The following ARHGAP31 variants were observed in gnomAD, a reference collection of about 807,000 sequenced individuals.
ARHGAP31 encodes the protein rho GTPase-activating protein 31.
In ARHGAP31, 34 loss-of-function variants were observed where a neutral mutation model predicts 113.9. That is an observed-to-expected ratio of 0.30 (90% CI 0.23 to 0.40). ARHGAP31 has a LOEUF of 0.40. Among genes scored for constraint, ARHGAP31 ranks in the 10% least tolerant of loss-of-function variants. ARHGAP31 has a pLI of 1.00. For synonymous variants in ARHGAP31, 650 were observed against 684.8 expected (o/e 0.95, Z 0.79); for missense variants, 1,548 against 1,767.1 (o/e 0.88, Z 2.22).
At chr3:119,318,147 G>A (rs920034400) in intron 1 of ARHGAP31, among the ~76,000 whole-genome samples, 1 of 151,996 alleles carries the variant, frequency 6.6e-6, no homozygotes, top group Non-Finnish European at 1.5e-5. Context: ...GCTCATGCCT[G>A]TGTCCCCAGC....
intron 6 of ARHGAP31, among the ~76,000 whole-genome samples, chr3:119,388,205 T>C (rs1319818219): frequency 6.6e-6 from 1 of 151,644 alleles, no homozygotes; most frequent in African/African-American, 2.4e-5. Flanking sequence ...TTCCATTTAT[T>C]TTTGTCTTAT....
At position 119,294,699 on chromosome 3, in the gene ARHGAP31, G is replaced by T; in HGVS notation, c.-206G>T. The T allele has an allele frequency of 1.7e-6, 1 of 596,346 alleles. No homozygotes were observed. Among genetic ancestry groups the T allele is most frequent in the Admixed American group, 3.1e-5 (1 of 32,250 alleles). 36.9% of individuals were successfully genotyped at this position (596,346 alleles called of 1,614,324 possible). ...TGCACGGCCTCGGCACGGCGGCCCCGGAGCGGCGCGGGGTGGATCTCAGGC... is the reference window on the plus strand; with the variant it reads ...TGCACGGCCTCGGCACGGCGGCCCCTGAGCGGCGCGGGGTGGATCTCAGGC... On this transcript the variant is annotated 5_prime_UTR_variant, in exon 1 of 12. Transcript: ENST00000264245.
chr3:119,405,199 T>C (rs2080649050), intron 10 of ARHGAP31, among the ~76,000 whole-genome samples: 1 of 152,192 alleles, frequency 6.6e-6, no homozygotes, highest in Non-Finnish European at 1.5e-5. Context: ...TTTTTTTTAA[T>C]CAGGAGCAAG....
intron 3 of ARHGAP31, among the ~76,000 whole-genome samples, chr3:119,370,194 G>T (rs1411513670): frequency 6.6e-6 from 1 of 152,156 alleles, no homozygotes; most frequent in Non-Finnish European, 1.5e-5. Flanking sequence ...GAACCAAGAA[G>T]AAAGGTGTGA....
At chr3:119,338,855 A>G (rs943974842) in intron 1 of ARHGAP31, among the ~76,000 whole-genome samples, 2 of 152,234 alleles carry the variant, frequency 1.3e-5, no homozygotes, top group African/African-American at 4.8e-5. Context: ...TAGGCCTGCC[A>G]CTGTGTATGA....
intron 1 of ARHGAP31, among the ~76,000 whole-genome samples, chr3:119,350,180 G>A (rs1340633631): frequency 6.6e-6 from 1 of 152,136 alleles, no homozygotes; most frequent in African/African-American, 2.4e-5. Flanking sequence ...CAAACTGCAG[G>A]GAAGTGCCGT....
chr3:119,402,138 CA>C lies in ARHGAP31; in HGVS notation c.1389del (p.Lys463AsnfsTer22). 6.2e-7 allele frequency: 1 copy of C among 1,614,282 alleles called. No homozygotes were observed. ...TCTACACTTCGAACGACAGCCCTAG[CA>C]AATCCGTCTTCACCAGCAGCCTCTT... ...MFYTSNDSPS[K>X]SVFTSSLFQM... On this transcript the variant is annotated frameshift_variant, in exon 10 of 12. Coordinates refer to ENST00000264245, the MANE Select transcript of ARHGAP31 (RefSeq NM_020754.4). LOFTEE classifies it high-confidence loss of function.
At position 119,332,615 on chromosome 3, in the gene ARHGAP31, TCTCTCTCTCTCTCTCTCTCTCACACA is replaced by T. The variant is rs2079903026; in HGVS notation, c.101-32699_101-32674del. ...TTCTCTCTCTCTCTTTCTCTCTCTC[TCTCTCTCTCTCTCTCTCTCTCACACA>T]CACACACACACACACACACACACAC... On this transcript the variant is annotated intron_variant, in intron 1 of 11. Transcript: ENST00000264245. Among the ~76,000 whole-genome samples, 18 of 111,538 alleles carry T rather than the reference TCTCTCTCTCTCTCTCTCTCTCACACA, an allele frequency of 1.6e-4. No homozygotes were observed. The South Asian group carries it at 5.7e-3, about 35-fold the overall frequency. The allele number at this position is 111,538 out of a possible 152,430, so 73.2% of individuals were successfully genotyped here.
chr3:119,379,975 C>T (rs2080381202), intron 3 of ARHGAP31, among the ~76,000 whole-genome samples: 1 of 152,172 alleles, frequency 6.6e-6, no homozygotes, highest in South Asian at 2.1e-4. Context: ...AGGTCTGGGA[C>T]CAGGGGAATC....
chr3:119,412,089 G>A (rs541667943), intron 11 of ARHGAP31, among the ~76,000 whole-genome samples: 106 of 152,200 alleles, frequency 7.0e-4, no homozygotes, highest in Non-Finnish European at 1.4e-3. Flanking sequence ...TAGGCCTTGA[G>A]GCAAGAAATG....
rs1015249565 is a variant in ARHGAP31 at position 119,419,316 on chromosome 3, G to C, written c.*3052G>C. On this transcript the variant is annotated 3_prime_UTR_variant, in exon 12 of 12. Transcript: ENST00000264245. Reference sequence around the variant, plus strand: ...ACGTTTTCTTTCAGCATTAGTGGTTGCTTAAGAAAATAGTAACCTATATTT... The same window carrying C: ...ACGTTTTCTTTCAGCATTAGTGGTTCCTTAAGAAAATAGTAACCTATATTT... The C allele has an allele frequency of 1.3e-5, 2 of 152,174 alleles. No homozygotes were observed. The highest frequency in any genetic ancestry group is 2.1e-4 in the South Asian group (1 of 4,824). 9.4% of individuals were successfully genotyped at this position (152,174 alleles called of 1,614,324 possible). A position where few individuals can be genotyped will look rare whatever the true frequency, so the allele number is the denominator to read the frequency against.
chr3:119,392,349 G>A (rs904045053), intron 7 of ARHGAP31, among the ~76,000 whole-genome samples: 2 of 152,192 alleles, frequency 1.3e-5, no homozygotes, highest in East Asian at 1.9e-4. Context: ...TCGGGAGGCC[G>A]AGGCAGGAGG....
intron 1 of ARHGAP31, chr3:119,330,069 G>A (rs1446055589): frequency 2.7e-5 from 25 of 935,100 alleles, no homozygotes; most frequent in Middle Eastern, 5.5e-4. Context: ...CCATTCAATC[G>A]TCTGATTGTT....
At position 119,370,434 on chromosome 3, in the gene ARHGAP31, T is replaced by G. The variant is rs923092469; in HGVS notation, c.348+1918T>G. 7.2e-5 allele frequency among the ~76,000 whole-genome samples: 11 copies of G among 152,314 alleles called. No homozygotes were observed. In the East Asian group the frequency reaches 2.1e-3, roughly 29 times the overall value. On this transcript the variant is annotated intron_variant, in intron 3 of 11. Coordinates refer to ENST00000264245, the MANE Select transcript of ARHGAP31 (RefSeq NM_020754.4). Reference sequence around the variant, plus strand: ...TGTTTTCCAAAATCAAAATAAAATTTTATTGCAAAAATTAAAGTAATACAG... The same window carrying G: ...TGTTTTCCAAAATCAAAATAAAATTGTATTGCAAAAATTAAAGTAATACAG...
At chr3:119,302,009 C>T (rs2079588937) in intron 1 of ARHGAP31, among the ~76,000 whole-genome samples, 1 of 152,210 alleles carries the variant, frequency 6.6e-6, no homozygotes, top group African/African-American at 2.4e-5. Flanking sequence ...AGCTTTCTTC[C>T]CATTCAGTGC....
At chr3:119,391,052 C>G (rs2080499784) in intron 7 of ARHGAP31, 69 bp downstream of exon 7, 9 of 1,544,984 alleles carry the variant, frequency 5.8e-6, no homozygotes, top group Non-Finnish European at 8.0e-6. Flanking sequence ...GAGAGGTATA[C>G]AGTCTCAGGA....
intron 6 of ARHGAP31, among the ~76,000 whole-genome samples, chr3:119,384,709 G>A (rs1012876067): frequency 3.3e-5 from 5 of 152,230 alleles, no homozygotes; most frequent in East Asian, 1.9e-4. Flanking sequence ...CATAAAGGTC[G>A]CACCTCACAA....
At position 119,415,815 on chromosome 3, in the gene ARHGAP31, A is replaced by C; in HGVS notation, c.3886A>C (p.Asn1296His). The C allele has an allele frequency of 6.2e-7, 1 of 1,614,260 alleles. No homozygotes were observed. Among genetic ancestry groups the C allele is most frequent in the African/African-American group, 1.3e-5 (1 of 75,060 alleles). The part of the protein sequence containing the change: ...PTLSPEPGSS[N>H]LLSTQDAVVQ... ...CCTTTCTCCAGAACCAGGCTCGTCTAACCTGCTCTCCACCCAGGATGCAGT... is the reference window on the plus strand; with the variant it reads ...CCTTTCTCCAGAACCAGGCTCGTCTCACCTGCTCTCCACCCAGGATGCAGT... Residue 1296 changes from asparagine to histidine, a missense_variant, in exon 12 of 12, where the codon AAC becomes CAC. Coordinates refer to ENST00000264245, the MANE Select transcript of ARHGAP31 (RefSeq NM_020754.4).
At chr3:119,406,834 A>G (rs1465767589) in intron 10 of ARHGAP31, among the ~76,000 whole-genome samples, 1 of 152,228 alleles carries the variant, frequency 6.6e-6, no homozygotes, top group Non-Finnish European at 1.5e-5. Flanking sequence ...GATTGTTGTA[A>G]GACACATTCT....
Sources: allele counts gnomAD v4.1 joint callset (sites outside exome capture counted in the v4.1 genomes callset), GRCh38; gene constraint gnomAD v4.1.1; transcripts MANE v1.5; gene names NCBI Gene and HGNC (gene_info 2026-07-23, HGNC 2026-07-21).